The following CMTM8 variants were observed in gnomAD, a reference collection of about 807,000 sequenced individuals.
The protein encoded by CMTM8 is CKLF-like MARVEL transmembrane domain-containing protein 8.
In CMTM8, 12 loss-of-function variants were observed where a neutral mutation model predicts 18.6. That is an observed-to-expected ratio of 0.65 (90% CI 0.41 to 1.05). The LOEUF (loss-of-function observed/expected upper bound fraction) is 1.05. Ranked by LOEUF, CMTM8 falls within the 50% of genes least tolerant of loss-of-function variation. The pLI is 0.00. For missense variants in CMTM8, 217 were observed against 227.2 expected, an observed-to-expected ratio of 0.95 and a Z score of 0.29; for synonymous variants, 87 against 90.6, an observed-to-expected ratio of 0.96 and a Z score of 0.23.
chr3:32,281,919 T>A (rs893458961), intron 1 of CMTM8, among the ~76,000 whole-genome samples: 2 of 152,136 alleles, frequency 1.3e-5, no homozygotes, highest in Non-Finnish European at 2.9e-5. Context: ...TCATCTTCTT[T>A]CCTGGTGCCT....
chr3:32,269,045 A>C (rs546075304), intron 1 of CMTM8, among the ~76,000 whole-genome samples: 5 of 152,356 alleles, frequency 3.3e-5, no homozygotes, highest in African/African-American at 1.2e-4. Context: ...ATAATTGAAA[A>C]GCATCAAATA....
chr3:32,346,869 A>G lies in CMTM8; in HGVS notation c.148-10504A>G, dbSNP rs943930712. On this transcript the variant is annotated intron_variant, in intron 1 of 3. Transcript: ENST00000307526. ...AGGGTCTCACTCTGTCATCCAAGCTAGAATGCAGTGGCACAATCACAGCTC... is the reference window on the plus strand; with the variant it reads ...AGGGTCTCACTCTGTCATCCAAGCTGGAATGCAGTGGCACAATCACAGCTC... 2.0e-5 allele frequency among the ~76,000 whole-genome samples: 3 copies of G among 148,026 alleles called. No homozygotes were observed. The Admixed American group carries it at 2.0e-4, about 10-fold the overall frequency.
intron 1 of CMTM8, among the ~76,000 whole-genome samples, chr3:32,327,652 T>A (rs934779193): frequency 6.6e-6 from 1 of 152,224 alleles, no homozygotes; most frequent in Non-Finnish European, 1.5e-5. Context: ...CCAAATTGTA[T>A]AAACTGTGCT....
chr3:32,273,354 A>G (rs1575155151), intron 1 of CMTM8, among the ~76,000 whole-genome samples: 2 of 152,308 alleles, frequency 1.3e-5, no homozygotes, highest in South Asian at 2.1e-4. Context: ...ACACATATAT[A>G]TATACATACA....
chr3:32,364,734 G>C (rs1303436338), intron 2 of CMTM8, among the ~76,000 whole-genome samples: 3 of 152,186 alleles, frequency 2.0e-5, no homozygotes, highest in Non-Finnish European at 4.4e-5. Flanking sequence ...GAGGATATCA[G>C]ATGCCTGAAA....
intron 1 of CMTM8, among the ~76,000 whole-genome samples, chr3:32,242,121 C>G (rs1270412423): frequency 1.3e-5 from 2 of 152,156 alleles, no homozygotes; most frequent in Admixed American, 6.5e-5. Flanking sequence ...TGTCCTCTGT[C>G]TTGCTTTGCT....
At chr3:32,255,145 A>G (rs75384497) in intron 1 of CMTM8, among the ~76,000 whole-genome samples, 20,904 of 152,126 alleles carry the variant, frequency 0.14, 1,465 homozygotes, top group Middle Eastern at 0.19. Context: ...GTGTAGAAAT[A>G]CCACATTTTA....
At chr3:32,323,076 G>T (rs1331211487) in intron 1 of CMTM8, among the ~76,000 whole-genome samples, 2 of 152,158 alleles carry the variant, frequency 1.3e-5, no homozygotes, top group Admixed American at 6.5e-5. Context: ...GGAGGACCAG[G>T]GATGCTGCAG....
chr3:32,354,037 C>G (rs1244057190), intron 1 of CMTM8, among the ~76,000 whole-genome samples: 2 of 152,042 alleles, frequency 1.3e-5, no homozygotes, highest in Non-Finnish European at 2.9e-5. Flanking sequence ...CCCACCTCAG[C>G]CTCCCAAAGT....
intron 1 of CMTM8, among the ~76,000 whole-genome samples, chr3:32,291,748 G>C (rs1282003395): frequency 6.6e-6 from 1 of 152,190 alleles, no homozygotes; most frequent in Admixed American, 6.6e-5. Context: ...TAGAAAACCT[G>C]AGATACCCAG....
intron 1 of CMTM8, among the ~76,000 whole-genome samples, chr3:32,334,669 T>G (rs1262004717): frequency 3.3e-5 from 5 of 152,286 alleles, no homozygotes; most frequent in African/African-American, 4.8e-5. Context: ...TTGAACTTTT[T>G]GAAGCCAACT....
chr3:32,335,313 T>C (rs1227061042), intron 1 of CMTM8, among the ~76,000 whole-genome samples: 1 of 152,202 alleles, frequency 6.6e-6, no homozygotes, highest in Non-Finnish European at 1.5e-5. Context: ...TTGAGCATAT[T>C]TGTGCTCATC....
At chr3:32,294,115 C>T (rs1702831430) in intron 1 of CMTM8, among the ~76,000 whole-genome samples, 1 of 152,104 alleles carries the variant, frequency 6.6e-6, no homozygotes, top group Admixed American at 6.6e-5. Flanking sequence ...GATTGTGAAA[C>T]GTTTGAATTC....
chr3:32,275,644 C>CTT (rs771943263), intron 1 of CMTM8, among the ~76,000 whole-genome samples: 1,180 of 78,012 alleles, frequency 0.015, 4 homozygotes, highest in African/African-American at 0.019. Context: ...CATGTACTTC[C>CTT]TTTTTTTTTT....
At chr3:32,307,479 G>A (rs2342367) in intron 1 of CMTM8, among the ~76,000 whole-genome samples, 5,536 of 152,250 alleles carry the variant, frequency 0.036, 134 homozygotes, top group Non-Finnish European at 0.056. Context: ...GGGAATGAGG[G>A]AGAAAGAACA....
At chr3:32,359,326 G>C (rs1437046948) in intron 2 of CMTM8, among the ~76,000 whole-genome samples, 1 of 152,322 alleles carries the variant, frequency 6.6e-6, no homozygotes, top group African/African-American at 2.4e-5. Flanking sequence ...GGTGGTGGCC[G>C]GGCATGGTGG....
chr3:32,361,075 G>A (rs1575095822), intron 2 of CMTM8, among the ~76,000 whole-genome samples: 2 of 152,138 alleles, frequency 1.3e-5, no homozygotes, highest in Admixed American at 6.6e-5. Flanking sequence ...TCCACCTCCC[G>A]GGTTCAAGCG....
chr3:32,368,392 A>G (rs545016800), intron 3 of CMTM8, among the ~76,000 whole-genome samples: 6 of 152,080 alleles, frequency 3.9e-5, no homozygotes, highest in Middle Eastern at 6.9e-3. Context: ...AAAAATATAT[A>G]CCAGTAGAGG....
chr3:32,277,296 G>C (rs6794210), intron 1 of CMTM8, among the ~76,000 whole-genome samples: 40,671 of 152,102 alleles, frequency 0.27, 5,582 homozygotes, highest in Admixed American at 0.33. Context: ...TGGTGAGGCT[G>C]TGGGCAAGTA....
Sources: gnomAD v4.1 joint callset for allele counts (sites outside exome capture counted in the v4.1 genomes callset) on GRCh38, gnomAD v4.1.1 for gene constraint, MANE v1.5 for transcripts, NCBI Gene and HGNC (gene_info 2026-07-23, HGNC 2026-07-21) for gene names.